The following NSD2 variants were observed in gnomAD, a reference collection of about 807,000 sequenced individuals.
NSD2 encodes histone-lysine N-methyltransferase NSD2.
Under a neutral mutation model 139.0 loss-of-function variants are expected in NSD2, and 12 were observed. That is an observed-to-expected ratio of 0.09 (90% CI 0.06 to 0.14). The LOEUF is 0.14. NSD2 is among the 10% of genes least tolerant of loss of function. The probability of loss-of-function intolerance (pLI) is 1.00; values close to 1 mark genes in which losing one functional copy is unlikely to be tolerated. For missense variants in NSD2, 1,155 were observed against 1,745.0 expected (o/e 0.66, Z 6.02); for synonymous variants, 669 against 648.7 (o/e 1.03, Z -0.48).
rs113042971 is a variant in NSD2 at position 1,952,867 on chromosome 4, T to C, written c.2138-457T>C. The C allele has an allele frequency of 5.9e-5, 79 of 1,329,498 alleles. No homozygotes were observed. The African/African-American group carries it at 1.0e-3, about 17-fold the overall frequency. The allele number at this position is 1,329,498 out of a possible 1,614,324, so 82.4% of individuals were successfully genotyped here. A position where few individuals can be genotyped will look rare whatever the true frequency, so the allele number is the denominator to read the frequency against. On this transcript the variant is annotated intron_variant, in intron 11 of 21. Transcript: ENST00000508803. ...AGTCTCCTATCTCACGTCAGAACAC[T>C]TCCTGGGTCAGGAAGACACCTGGAG...
intron 18 of NSD2, among the ~76,000 whole-genome samples, chr4:1,963,859 A>T (rs746504975): frequency 5.9e-5 from 9 of 152,174 alleles, no homozygotes; most frequent in Non-Finnish European, 1.3e-4. Context: ...AAAAAGAAAA[A>T]AAATTAGCCG....
In NSD2 at chr4:1,958,911, A is replaced by G. The variant is rs1298663156; in HGVS notation, c.2986-560A>G. Among the ~76,000 whole-genome samples, 1 of 152,048 alleles carries G rather than the reference A, an allele frequency of 6.6e-6. No homozygotes were observed. The highest frequency in any genetic ancestry group is 2.4e-5 in the African/African-American group (1 of 41,382). On this transcript the variant is annotated intron_variant, in intron 16 of 21. Transcript: ENST00000508803. The surrounding 1 kb of genome is among the most constrained non-coding windows in gnomAD (Gnocchi z 4.6). ...AGATTATGCATTTCTACCCCAGCTG[A>G]TTTTCAGCTGTCTCTACTGCTTTGT...
rs1052984538 is a variant in NSD2, at chr4:1,945,469, A to G, written c.1882-5603A>G. The G allele has an allele frequency of 3.8e-6, 4 of 1,063,630 alleles. No homozygotes were observed. In the South Asian group the frequency reaches 1.8e-4, roughly 48 times the overall value. The allele number at this position is 1,063,630 out of a possible 1,614,324, so 65.9% of individuals were successfully genotyped here. A position where few individuals can be genotyped will look rare whatever the true frequency, so the allele number is the denominator to read the frequency against. On this transcript the variant is annotated intron_variant, in intron 9 of 21. Coordinates refer to ENST00000508803, the MANE Select transcript of NSD2 (RefSeq NM_001042424.3). The stretch of plus-strand genomic sequence containing the variant: ...ACAGAGAAGTTTAAAAAAGAAAACT[A>G]AGATTATAAATTAGCATCTAGTTCC...
rs1723850398 is a variant in NSD2, at chr4:1,948,319, A to G, written c.1882-2753A>G. The G allele has an allele frequency of 9.4e-7, 1 of 1,065,754 alleles. No homozygotes were observed. Among genetic ancestry groups the G allele is most frequent in the South Asian group, 4.6e-5 (1 of 21,970 alleles). 66.0% of individuals were successfully genotyped at this position (1,065,754 alleles called of 1,614,324 possible). A position where few individuals can be genotyped will look rare whatever the true frequency, so the allele number is the denominator to read the frequency against. On this transcript the variant is annotated intron_variant, in intron 9 of 21. Transcript: ENST00000508803. The surrounding 1 kb of genome is among the most constrained non-coding windows in gnomAD (Gnocchi z 4.5). Reference sequence around the variant, plus strand: ...TCGTTGGATATGGAATAGATCGTAGATGTTGTAGACTGAGATTTGGGACTA... The same window carrying G: ...TCGTTGGATATGGAATAGATCGTAGGTGTTGTAGACTGAGATTTGGGACTA...
chr4:1,968,329 G>C (rs910907119), intron 18 of NSD2, among the ~76,000 whole-genome samples: 1 of 152,236 alleles, frequency 6.6e-6, no homozygotes, highest in African/African-American at 2.4e-5. Flanking sequence ...ATGACTGCGA[G>C]GCAGGAAGGA....
At position 1,978,911 on chromosome 4, in the gene NSD2, G is replaced by C; in HGVS notation, c.*2G>C. 1 of 1,506,432 alleles carries C rather than the reference G, an allele frequency of 6.6e-7. No individual in the cohort carries two copies. The highest frequency in any genetic ancestry group is 8.9e-7 in the Non-Finnish European group (1 of 1,125,540). 93.3% of individuals were successfully genotyped at this position (1,506,432 alleles called of 1,614,324 possible). On this transcript the variant is annotated 3_prime_UTR_variant, in exon 22 of 22. Coordinates refer to ENST00000508803, the MANE Select transcript of NSD2 (RefSeq NM_001042424.3). ...CGGAGAGTCACAGAGGGCAAATAGCGCCAGGCGGCCGCTTGGCCGGATCCA... is the reference window on the plus strand; with the variant it reads ...CGGAGAGTCACAGAGGGCAAATAGCCCCAGGCGGCCGCTTGGCCGGATCCA...
chr4:1,969,124 C>T (rs1054097428), intron 18 of NSD2, among the ~76,000 whole-genome samples: 16 of 152,104 alleles, frequency 1.1e-4, no homozygotes, highest in African/African-American at 3.9e-4. Flanking sequence ...TGGGGCCTGC[C>T]CCCAGCGGCG....
At chr4:1,926,998 T>G (rs1388777800) in intron 5 of NSD2, among the ~76,000 whole-genome samples, 1 of 152,202 alleles carries the variant, frequency 6.6e-6, no homozygotes, top group African/African-American at 2.4e-5. Flanking sequence ...AGCTTAGTGG[T>G]TCTGCCTTAG....
chr4:1,979,487 C>T lies in NSD2; in HGVS notation c.*578C>T. 1 of 233,218 alleles carries T rather than the reference C, an allele frequency of 4.3e-6. No individual in the cohort carries two copies. Among genetic ancestry groups the T allele is most frequent in the Non-Finnish European group, 8.5e-6 (1 of 118,008 alleles). The allele number at this position is 233,218 out of a possible 1,614,324, so 14.4% of individuals were successfully genotyped here. On this transcript the variant is annotated 3_prime_UTR_variant, in exon 22 of 22. Transcript: ENST00000508803. ...TTCCTCAGAAACGCTTCTTTTCCAT[C>T]CTAGTGAGAAGCTGGCCCTGCAGGT... is the stretch of plus-strand genomic sequence containing the variant.
rs1202036637 is a variant in NSD2, at chr4:1,918,474, A to C, written c.1261A>C (p.Ser421Arg). 1.9e-6 allele frequency: 3 copies of C among 1,613,974 alleles called. No homozygotes were observed. The highest frequency in any genetic ancestry group is 1.7e-5 in the Admixed American group (1 of 59,994). ...GGAGAGTCACCCCGACATAGGGAAG[A>C]GTACTCCTCAAAAGACGGCAGAGGC... ...TLESHPDIGKSTPQKTAEADP... is the reference protein window; with the variant it reads ...TLESHPDIGKRTPQKTAEADP... The change falls in exon 5 of 22, where the codon AGT becomes CGT. Residue 421 changes from serine to arginine, a missense_variant. Around this residue, in one of 8 missense-constraint regions of NSD2, gnomAD observed 420 missense variants for 469.0 expected, o/e 0.90. Coordinates refer to ENST00000508803, the MANE Select transcript of NSD2 (RefSeq NM_001042424.3).
intron 17 of NSD2, among the ~76,000 whole-genome samples, chr4:1,960,603 G>A (rs908065745): frequency 6.6e-6 from 1 of 152,208 alleles, no homozygotes; most frequent in African/African-American, 2.4e-5. Context: ...CAGCACAAAA[G>A]GTTGCTTAGA....
At position 1,973,163 on chromosome 4, in the gene NSD2, G is replaced by A. The variant is rs1325609016; in HGVS notation, c.3373-1700G>A. ...CCCGGCCGACATATTGTTATAAAGGGGTCTGATGTTTGGAATATCTAGGGA... is the reference window on the plus strand; with the variant it reads ...CCCGGCCGACATATTGTTATAAAGGAGTCTGATGTTTGGAATATCTAGGGA... On this transcript the variant is annotated intron_variant, in intron 18 of 21. Coordinates refer to ENST00000508803, the MANE Select transcript of NSD2 (RefSeq NM_001042424.3). The surrounding 1 kb of genome is among the most constrained non-coding windows in gnomAD (Gnocchi z 5.5). Among the ~76,000 whole-genome samples, 3 of 152,144 alleles carry A rather than the reference G, an allele frequency of 2.0e-5. No individual in the cohort carries two copies. Among genetic ancestry groups the A allele is most frequent in the Admixed American group, 1.3e-4 (2 of 15,272 alleles).
rs749005496 is a variant in NSD2, at chr4:1,980,188, G to C, written c.*1279G>C. On this transcript the variant is annotated 3_prime_UTR_variant, in exon 22 of 22. Coordinates refer to ENST00000508803, the MANE Select transcript of NSD2 (RefSeq NM_001042424.3). ...AGGTATGACACCCACTCTCCTGTGA[G>C]ATTTCACTTTAGTTTTTAAAAGGTC... 1 of 233,204 alleles carries C rather than the reference G, an allele frequency of 4.3e-6. No individual in the cohort carries two copies. The highest frequency in any genetic ancestry group is 6.0e-5 in the East Asian group (1 of 16,614). The allele number at this position is 233,204 out of a possible 1,614,324, so 14.4% of individuals were successfully genotyped here.
intron 3 of NSD2, among the ~76,000 whole-genome samples, chr4:1,904,870 C>T (rs1400839798): frequency 1.3e-5 from 2 of 152,192 alleles, no homozygotes; most frequent in African/African-American, 4.8e-5. Flanking sequence ...GTGGCTCACG[C>T]CTGTAATCCC....
At chr4:1,952,019 C>G in intron 10 of NSD2, 89 bp from the exon 11 acceptor site, 2 of 1,533,512 alleles carry the variant, frequency 1.3e-6, no homozygotes, top group Non-Finnish European at 1.8e-6. Context: ...TTTTCTGCCA[C>G]TGGAGACAGA....
intron 7 of NSD2, among the ~76,000 whole-genome samples, chr4:1,935,556 T>C (rs563952236): frequency 6.6e-6 from 1 of 152,262 alleles, no homozygotes; most frequent in Admixed American, 6.5e-5. Context: ...TGGACAAAAT[T>C]GTCACTAAAA....
At chr4:1,934,878 A>AATATATATATATATATATATATAT (rs1161633448) in intron 6 of NSD2, among the ~76,000 whole-genome samples, 7 of 22,058 alleles carry the variant, frequency 3.2e-4, no homozygotes, top group Non-Finnish European at 3.7e-4. Flanking sequence ...AAAAAAAAAA[A>AATATATATATATATATATATATAT]ATATATATAT....
At chr4:1,949,345 A>AT (rs1723968991) in intron 9 of NSD2, among the ~76,000 whole-genome samples, 1 of 152,212 alleles carries the variant, frequency 6.6e-6, no homozygotes, top group Non-Finnish European at 1.5e-5. Flanking sequence ...GGAAACCAAG[A>AT]TTAAGAGGCT....
chr4:1,970,323 A>G (rs1333350342), intron 18 of NSD2, among the ~76,000 whole-genome samples: 1 of 152,256 alleles, frequency 6.6e-6, no homozygotes, highest in African/African-American at 2.4e-5. Context: ...TGGGCTCCTC[A>G]GAACGAGCCA....
Sources: gnomAD v4.1 joint callset for allele counts (sites outside exome capture counted in the v4.1 genomes callset) on GRCh38, gnomAD v4.1.1 for gene constraint, gnomAD v4.1.1 regional missense constraint, Gnocchi (gnomAD v3.1) non-coding constraint, MANE v1.5 for transcripts, NCBI Gene and HGNC (gene_info 2026-07-23, HGNC 2026-07-21) for gene names.